Variants in CD163L1 observed in about 807,000 individuals in gnomAD.
The protein encoded by CD163L1 is scavenger receptor cysteine-rich type 1 protein M160.
Under a neutral mutation model 165.4 loss-of-function variants are expected in CD163L1, and 124 were observed. That is an observed-to-expected ratio of 0.75 (90% confidence interval 0.65 to 0.87). The LOEUF (loss-of-function observed/expected upper bound fraction) is 0.87, where lower values mean the gene tolerates loss of function less well. Ranked by LOEUF, CD163L1 falls within the 40% of genes least tolerant of loss-of-function variation. The probability of loss-of-function intolerance (pLI) is 0.00; values close to 1 mark genes in which losing one functional copy is unlikely to be tolerated. For synonymous variants in CD163L1, 585 were observed against 662.2 expected (o/e 0.88, Z 1.79); for missense variants, 1,525 against 1,799.9 (o/e 0.85, Z 2.76).
chr12:7,325,308 C>T, the CD163L1 span, among the ~76,000 whole-genome samples: 2 of 152,204 alleles, frequency 1.3e-5, no homozygotes, highest in African/African-American at 4.8e-5. Context: ...GAATGGAAAA[C>T]TGTCATGGAA....
At position 7,386,604 on chromosome 12, in the gene CD163L1, C is replaced by CAA. The variant is rs71067187; in HGVS notation, c.2051-7308_2051-7307dup. Among the ~76,000 whole-genome samples the CAA allele has an allele frequency of 4.3e-3, 509 of 117,456 alleles. 3 individuals are homozygous for CAA. Among genetic ancestry groups the CAA allele is most frequent in the South Asian group, 8.4e-3 (31 of 3,674 alleles). The allele number at this position is 117,456 out of a possible 152,430, so 77.1% of individuals were successfully genotyped here. Reference sequence around the variant, plus strand: ...CAGCAAGCCAAATCCGTCAACATATCAAAAAAAAAAAAAAAAACAGTATAG... The same window carrying CAA: ...CAGCAAGCCAAATCCGTCAACATATCAAAAAAAAAAAAAAAAAAACAGTATAG... On this transcript the variant is annotated intron_variant, in intron 8 of 19. Coordinates refer to ENST00000313599, the MANE Select transcript of CD163L1 (RefSeq NM_174941.6).
chr12:7,438,861 T>C (rs1306037510), intron 2 of CD163L1: 3 of 1,574,124 alleles, frequency 1.9e-6, no homozygotes, highest in East Asian at 4.5e-5. Flanking sequence ...GATATAGGCA[T>C]AAGCTTCTCT....
the CD163L1 span, among the ~76,000 whole-genome samples, chr12:7,329,254 C>G: frequency 6.8e-6 from 1 of 146,636 alleles, no homozygotes; most frequent in African/African-American, 2.5e-5. Context: ...CTTTAGGGAA[C>G]AAATTTACTT....
the CD163L1 span, chr12:7,327,124 G>C: frequency 1.3e-6 from 2 of 1,568,302 alleles, no homozygotes; most frequent in Non-Finnish European, 1.7e-6. Context: ...AGTTAAGTTT[G>C]GATGTTACCA....
chr12:7,414,924 A>G lies in CD163L1; in HGVS notation c.767-8072T>C, dbSNP rs1013821357. On this transcript the variant is annotated intron_variant, in intron 4 of 19. Transcript: ENST00000313599. ...AAACAAACAAAAACTGAGAAAGTTT[A>G]TCACCACATCTTCCTTAAAAGAAGT... 2.0e-5 allele frequency among the ~76,000 whole-genome samples: 3 copies of G among 152,320 alleles called. No individual in the cohort carries two copies. The East Asian group carries it at 5.8e-4, about 29-fold the overall frequency.
In CD163L1 at chr12:7,406,618, T is replaced by A. The variant is rs1340892030; in HGVS notation, c.1001A>T (p.Asn334Ile). ...TCTGCAGTCCCAAAGAAAAGATTCA[T>A]TACCGGAGCAGGAGACACCATCAAG... is the stretch of plus-strand genomic sequence containing the variant. ...VWLDGVSCSG[N>I]ESFLWDCRHS... Residue 334 changes from asparagine to isoleucine, a missense_variant, in exon 5 of 20, where the codon AAT becomes ATT. By Grantham distance (149) the Asn-to-Ile change is moderately radical (BLOSUM62 -3). Transcript: ENST00000313599. 1 of 1,613,950 alleles carries A rather than the reference T, an allele frequency of 6.2e-7. No homozygotes were observed.
chr12:7,411,577 T>C lies in CD163L1; in HGVS notation c.767-4725A>G, dbSNP rs77070187. On this transcript the variant is annotated intron_variant, in intron 4 of 19. Coordinates refer to ENST00000313599, the MANE Select transcript of CD163L1 (RefSeq NM_174941.6). ...CCTTCTCTCTTGCTTCCTCTTTCCA[T>C]GTGATATGCTGACTTCCCCTTGGCC... Among the ~76,000 whole-genome samples, 1,465 of 152,316 alleles carry C rather than the reference T, an allele frequency of 9.6e-3. 27 individuals carry two copies. Among genetic ancestry groups the C allele is most frequent in the African/African-American group, 0.033 (1,360 of 41,570 alleles).
In CD163L1 at chr12:7,349,823, A is replaced by T. The variant is rs114224587; in HGVS notation, c.*25-2676T>A. 2.2e-3 allele frequency among the ~76,000 whole-genome samples: 340 copies of T among 152,312 alleles called. 2 individuals carry two copies. Among genetic ancestry groups the T allele is most frequent in the African/African-American group, 8.0e-3 (331 of 41,564 alleles). Reference sequence around the variant, plus strand: ...ACAGGATGTTTTCAAAGTAGTTAGGATGTCCTAGACTTTCTCACAGAAAGT... The same window carrying T: ...ACAGGATGTTTTCAAAGTAGTTAGGTTGTCCTAGACTTTCTCACAGAAAGT... On this transcript the variant is annotated intron_variant, in intron 4 of 4. Transcript: ENST00000539726.
chr12:7,399,812 C>T (rs2136512546), intron 6 of CD163L1, among the ~76,000 whole-genome samples: 1 of 152,156 alleles, frequency 6.6e-6, no homozygotes, highest in African/African-American at 2.4e-5. Context: ...ACCATGTTGC[C>T]CAGGCTGGTC....
rs150386180 is a variant in CD163L1 at position 7,415,608 on chromosome 12, G to A, written c.767-8756C>T. On this transcript the variant is annotated intron_variant, in intron 4 of 19. Coordinates refer to ENST00000313599, the MANE Select transcript of CD163L1 (RefSeq NM_174941.6). ...CAACCCCCAACAGGCCCTGGTGTGT[G>A]ATGTTTCCCTCCCAGTGTCCATGTG... 8.2e-4 allele frequency among the ~76,000 whole-genome samples: 124 copies of A among 152,052 alleles called. 2 individuals are homozygous for A. In the East Asian group the frequency reaches 0.022, roughly 27 times the overall value.
chr12:7,437,556 A>G (rs890208434), intron 2 of CD163L1, among the ~76,000 whole-genome samples: 2 of 151,752 alleles, frequency 1.3e-5, no homozygotes, highest in East Asian at 1.9e-4. Context: ...TCATTGTTCA[A>G]TTCCCACCTA....
chr12:7,377,044 T>C (rs1947284743), intron 9 of CD163L1, among the ~76,000 whole-genome samples: 1 of 152,214 alleles, frequency 6.6e-6, no homozygotes, highest in Non-Finnish European at 1.5e-5. Flanking sequence ...GACCTTCCCC[T>C]GCTCATTTAC....
the CD163L1 span, among the ~76,000 whole-genome samples, chr12:7,321,978 G>A: frequency 1.3e-5 from 2 of 152,148 alleles, no homozygotes; most frequent in South Asian, 4.1e-4. Context: ...GAAGGCTTTC[G>A]GCAAGTTCTT....
chr12:7,414,108 T>C (rs1001546437), intron 4 of CD163L1, among the ~76,000 whole-genome samples: 1 of 152,154 alleles, frequency 6.6e-6, no homozygotes, highest in African/African-American at 2.4e-5. Flanking sequence ...AAAGTTCCAG[T>C]GGCTGACCCC....
intron 18 of CD163L1, among the ~76,000 whole-genome samples, chr12:7,362,285 A>G (rs1179483890): frequency 2.1e-5 from 3 of 141,334 alleles, no homozygotes; most frequent in South Asian, 2.1e-4. Context: ...TATATTATAG[A>G]TTATATAGTA....
rs139713810 is a variant in CD163L1 at position 7,367,324 on chromosome 12, G to T, written c.4191C>A (p.Thr1397=). ...TCTCCTCGAGAGAACCCCTCCTTCT[G>T]GTTGAAACTGAGAATGGATGCTTCA... ...KQKHLPLRVS[T]RRRGSLEENL... Residue 1397 remains threonine (T), a synonymous_variant, in exon 18 of 20, where the codon ACC becomes ACA. Transcript: ENST00000313599. The T allele has an allele frequency of 4.7e-5, 75 of 1,609,892 alleles. No homozygotes were observed. The highest frequency in any genetic ancestry group is 5.7e-5 in the Non-Finnish European group (67 of 1,176,580).
rs372907394 is a variant in CD163L1 at position 7,406,559 on chromosome 12, G to C, written c.1060C>G (p.Gln354Glu). The change falls in exon 5 of 20, where the codon CAA (glutamine) becomes GAA (glutamate). Residue 354 changes from glutamine to glutamate, a missense_variant. Physicochemically the swap from Gln to Glu is conservative, Grantham distance 29. Transcript: ENST00000313599. ...SGTVNFDCLH[Q>E]NDVSVICSDG... is the part of the protein sequence containing the mutation. ...GAGCAGATCACAGACACATCGTTTT[G>C]ATGAAGACAGTCAAAATTGACGGTT... 3.1e-6 allele frequency: 5 copies of C among 1,613,900 alleles called. No homozygotes were observed. The African/African-American group carries it at 6.7e-5, about 22-fold the overall frequency.
rs1947819814 is a variant in CD163L1, at chr12:7,398,279, TCA to T, written c.1712_1713del (p.Val571AspfsTer7). ...GKHNCVHRED[V>X]IVTCSGDATW... ...CAAGTCTTACCTGAGCAGGTTACAA[TCA>T]CATCCTCTCTGTGTACACAATTATG... is the stretch of plus-strand genomic sequence containing the variant. On this transcript the variant is annotated frameshift_variant, in exon 7 of 20. Transcript: ENST00000313599. LOFTEE classifies it high-confidence loss of function. The surrounding 1 kb of genome is among the most constrained non-coding windows in gnomAD (Gnocchi z 4.5). The T allele has an allele frequency of 6.2e-7, 1 of 1,613,566 alleles. No homozygotes were observed. Among genetic ancestry groups the T allele is most frequent in the Admixed American group, 1.7e-5 (1 of 60,000 alleles).
intron 2 of CD163L1, among the ~76,000 whole-genome samples, chr12:7,436,182 A>AG (rs1948710323): frequency 6.6e-6 from 1 of 152,194 alleles, no homozygotes; most frequent in Non-Finnish European, 1.5e-5. Flanking sequence ...TTCCTGGTTG[A>AG]GGGATGGATT....
Sources: allele counts gnomAD v4.1 joint callset (sites outside exome capture counted in the v4.1 genomes callset), GRCh38; gene constraint gnomAD v4.1.1; non-coding constraint Gnocchi (gnomAD v3.1); transcripts MANE v1.5; gene names NCBI Gene and HGNC (gene_info 2026-07-23, HGNC 2026-07-21).